The following IRF4 variants were observed in gnomAD, a reference collection of about 807,000 sequenced individuals.
IRF4 encodes interferon regulatory factor 4.
In IRF4, 13 loss-of-function variants were observed where a neutral mutation model predicts 55.5. That is an observed-to-expected ratio of 0.23 (90% CI 0.15 to 0.37). IRF4 has a LOEUF of 0.37. IRF4 is among the 10% of genes least tolerant of loss of function. IRF4 has a pLI of 1.00. For missense variants in IRF4, 397 were observed against 593.8 expected (o/e 0.67, Z 3.44); for synonymous variants, 249 against 240.7 (o/e 1.03, Z -0.32).
chr6:411,107 G>A lies in IRF4; in HGVS notation c.*3509G>A, dbSNP rs1761690851. 1 of 233,106 alleles carries A rather than the reference G, an allele frequency of 4.3e-6. No homozygotes were observed. Among genetic ancestry groups the A allele is most frequent in the African/African-American group, 2.2e-5 (1 of 45,304 alleles). 14.4% of individuals were successfully genotyped at this position (233,106 alleles called of 1,614,324 possible). A position where few individuals can be genotyped will look rare whatever the true frequency, so the allele number is the denominator to read the frequency against. On this transcript the variant is annotated 3_prime_UTR_variant, in exon 9 of 9. Transcript: ENST00000380956. ...GCCGGCAGGCCAACCCTCCTCCAAT[G>A]GAAATTCCCGTGTTGCTTCAAACTG...
Position 393,201 on chromosome 6 carries a change from G to A in IRF4, c.49G>A (p.Val17Met). The change falls in exon 2 of 9, where the codon GTG (valine) becomes ATG (methionine). Residue 17 changes from valine to methionine, a missense_variant. Val to Met is a conservative substitution (Grantham distance 21). Coordinates refer to ENST00000380956, the MANE Select transcript of IRF4 (RefSeq NM_002460.4). This position sits in a 1 kb window ranked among gnomAD's most constrained non-coding sequence, Gnocchi z 5.4. ...AGGCGGAGAGTTCGGCATGAGCGCG[G>A]TGAGCTGCGGCAACGGGAAGCTCCG... Reference protein sequence around the residue: ...GRGGEFGMSAVSCGNGKLRQW... With the variant: ...GRGGEFGMSAMSCGNGKLRQW... 1.3e-6 allele frequency: 2 copies of A among 1,557,984 alleles called. No homozygotes were observed. Among genetic ancestry groups the A allele is most frequent in the Non-Finnish European group, 8.7e-7 (1 of 1,150,688 alleles).
intron 7 of IRF4, among the ~76,000 whole-genome samples, chr6:403,724 G>T (rs574966657): frequency 7.2e-5 from 11 of 152,332 alleles, no homozygotes; most frequent in African/African-American, 2.6e-4. Context: ...TGTTCACTGA[G>T]GTTCAAGGAG....
rs901846400 is a variant in IRF4 at position 409,047 on chromosome 6, C to G, written c.*1449C>G. On this transcript the variant is annotated 3_prime_UTR_variant, in exon 9 of 9. Transcript: ENST00000380956. ...CACCTCCAGGCCGTTTCTCATACTA[C>G]AGGATATTTACTATTACTCCCAGGA... The G allele has an allele frequency of 9.2e-6, 2 of 217,758 alleles. No homozygotes were observed. The highest frequency in any genetic ancestry group is 1.8e-5 in the Non-Finnish European group (2 of 108,184). 13.5% of individuals were successfully genotyped at this position (217,758 alleles called of 1,614,324 possible).
In IRF4 at chr6:393,057, T is replaced by G; in HGVS notation, c.-55-41T>G. On this transcript the variant is annotated intron_variant, in intron 1 of 8. Coordinates refer to ENST00000380956, the MANE Select transcript of IRF4 (RefSeq NM_002460.4). This position sits in a 1 kb window ranked among gnomAD's most constrained non-coding sequence, Gnocchi z 5.4. The stretch of plus-strand genomic sequence containing the variant: ...GGGGATCGGGGCGGGGTGCCCGGAG[T>G]GCGGTGCCTCGTGGCTGAAGGGCAG... 1 of 1,154,106 alleles carries G rather than the reference T, an allele frequency of 8.7e-7. No individual in the cohort carries two copies. Among genetic ancestry groups the G allele is most frequent in the Non-Finnish European group, 1.2e-6 (1 of 825,714 alleles). 71.5% of individuals were successfully genotyped at this position (1,154,106 alleles called of 1,614,324 possible).
chr6:407,047 C>G, intron 8 of IRF4: 1 of 411,376 alleles, frequency 2.4e-6, no homozygotes, highest in Non-Finnish European at 3.4e-6. Flanking sequence ...ACCTAGAAAT[C>G]AAATCATTCA....
chr6:403,264 A>AC (rs35275558), intron 7 of IRF4, among the ~76,000 whole-genome samples: 49 of 150,326 alleles, frequency 3.3e-4, no homozygotes, highest in Admixed American at 2.0e-3. Context: ...AACTGGGGGG[A>AC]CCCCCCCTCC....
intron 8 of IRF4, among the ~76,000 whole-genome samples, chr6:405,862 C>T (rs770102073): frequency 6.6e-6 from 1 of 152,108 alleles, no homozygotes; most frequent in Non-Finnish European, 1.5e-5. Flanking sequence ...AATCTTGAAC[C>T]CTTAAGACTT....
intron 4 of IRF4, among the ~76,000 whole-genome samples, chr6:396,404 C>T (rs1761260167): frequency 6.6e-6 from 1 of 152,230 alleles, no homozygotes; most frequent in Non-Finnish European, 1.5e-5. Flanking sequence ...CTCCATTGTC[C>T]TTTATGATCC....
intron 1 of IRF4, 82 bp downstream of exon 1, chr6:391,891 C>T (rs1370428255): frequency 6.6e-6 from 3 of 451,954 alleles, no homozygotes; most frequent in Non-Finnish European, 8.9e-6. Flanking sequence ...GGTTCGACCT[C>T]CAGGGCAGCG....
intron 8 of IRF4, chr6:406,884 G>A: frequency 1.9e-6 from 2 of 1,076,070 alleles, no homozygotes; most frequent in Non-Finnish European, 2.3e-6. Context: ...GAACATTAAG[G>A]CGTTTTTGTT....
chr6:395,354 A>G (rs1370951030), intron 3 of IRF4, among the ~76,000 whole-genome samples: 1 of 152,194 alleles, frequency 6.6e-6, no homozygotes, highest in African/African-American at 2.4e-5. Flanking sequence ...GTGAGTGACT[A>G]TTTTGCAGAA....
chr6:407,528 A>G lies in IRF4; in HGVS notation c.1286A>G (p.Asp429Gly), dbSNP rs1227685527. The change falls in exon 9 of 9, where the codon GAT (aspartate) becomes GGT (glycine). Residue 429 changes from aspartate (D) to glycine (G), a missense_variant. This residue lies in a region of IRF4 where 341 missense variants were observed against 548.1 expected (regional missense o/e 0.62). Coordinates refer to ENST00000380956, the MANE Select transcript of IRF4 (RefSeq NM_002460.4). Reference sequence around the variant, plus strand: ...AGTGGACATTTCCTGAGGGGCTACGATTTACCAGAACACATCAGCAATCCA... The same window carrying G: ...AGTGGACATTTCCTGAGGGGCTACGGTTTACCAGAACACATCAGCAATCCA... ...QNSGHFLRGY[D>G]LPEHISNPED... is the part of the protein sequence containing the mutation. 6.2e-7 allele frequency: 1 copy of G among 1,613,294 alleles called. No homozygotes were observed. The highest frequency in any genetic ancestry group is 8.5e-7 in the Non-Finnish European group (1 of 1,179,656).
At chr6:404,518 G>T (rs1209801097) in intron 7 of IRF4, among the ~76,000 whole-genome samples, 1 of 152,240 alleles carries the variant, frequency 6.6e-6, no homozygotes, top group Non-Finnish European at 1.5e-5. Context: ...ATTTTCTGTG[G>T]TGCCTGAGTT....
At chr6:395,074 A>G in intron 3 of IRF4, 67 bp downstream of exon 3, 4 of 1,222,492 alleles carry the variant, frequency 3.3e-6, no homozygotes, top group Non-Finnish European at 4.6e-6. Flanking sequence ...CCTTAACTTC[A>G]TTCTGAGCAT....
rs996589551 is a variant in IRF4, at chr6:409,339, A to C, written c.*1741A>C. 4 of 196,370 alleles carry C rather than the reference A, an allele frequency of 2.0e-5. No individual in the cohort carries two copies. The highest frequency in any genetic ancestry group is 1.2e-4 in the Admixed American group (2 of 16,442). The allele number at this position is 196,370 out of a possible 1,614,324, so 12.2% of individuals were successfully genotyped here. On this transcript the variant is annotated 3_prime_UTR_variant, in exon 9 of 9. Transcript: ENST00000380956. ...AGTAGAGAACAGCAAAAAAATAAAA[A>C]GGATCTCCTTTTTTCCCAGCCCAAA...
At chr6:404,196 T>C (rs1459485189) in intron 7 of IRF4, among the ~76,000 whole-genome samples, 3 of 152,234 alleles carry the variant, frequency 2.0e-5, no homozygotes, top group Admixed American at 6.5e-5. Context: ...TTATTGTAGC[T>C]ACAGGCAGAA....
intron 7 of IRF4, among the ~76,000 whole-genome samples, chr6:402,830 A>G (rs1227518920): frequency 6.6e-6 from 1 of 152,168 alleles, no homozygotes; most frequent in Non-Finnish European, 1.5e-5. Flanking sequence ...CCAGGAGTTC[A>G]AGACCAGCCT....
intron 8 of IRF4, chr6:406,707 AAC>A: frequency 1.1e-6 from 1 of 909,654 alleles, no homozygotes; most frequent in Non-Finnish European, 1.4e-6. Context: ...AAAATGAATA[AAC>A]ACACGTGTAC....
In IRF4 at chr6:407,789, C is replaced by G; in HGVS notation, c.*191C>G. 1 of 567,232 alleles carries G rather than the reference C, an allele frequency of 1.8e-6. No homozygotes were observed. The highest frequency in any genetic ancestry group is 3.0e-6 in the Non-Finnish European group (1 of 328,368). 35.1% of individuals were successfully genotyped at this position (567,232 alleles called of 1,614,324 possible). On this transcript the variant is annotated 3_prime_UTR_variant, in exon 9 of 9. Coordinates refer to ENST00000380956, the MANE Select transcript of IRF4 (RefSeq NM_002460.4). ...TGGTAGCTGGGATTACAGGTGTGAG[C>G]CACTGCACCCACCCAAGACAAGTGA...
Sources: gnomAD v4.1 joint callset for allele counts (sites outside exome capture counted in the v4.1 genomes callset) on GRCh38, gnomAD v4.1.1 for gene constraint, gnomAD v4.1.1 regional missense constraint, Gnocchi (gnomAD v3.1) non-coding constraint, MANE v1.5 for transcripts, NCBI Gene and HGNC (gene_info 2026-07-23, HGNC 2026-07-21) for gene names.